DOCK2: variants seen among roughly 807,000 people sequenced by gnomAD.
DOCK2 encodes the protein dedicator of cytokinesis 2, also known as dedicator of cytokinesis protein 2.
DOCK2 carries 87 observed loss-of-function variants against 248.9 expected under a neutral mutation model. That is an observed-to-expected ratio of 0.35 (90% CI 0.29 to 0.42). DOCK2 has a LOEUF of 0.42. DOCK2 is among the 10% of genes least tolerant of loss of function. DOCK2 has a pLI of 1.00. For missense variants in DOCK2, 1,747 were observed against 2,300.2 expected (o/e 0.76, Z 4.92); for synonymous variants, 805 against 821.6 (o/e 0.98, Z 0.35).
Position 169,834,698 on chromosome 5 carries a change from G to A in DOCK2, c.2704-6059G>A, listed in dbSNP as rs981458449. Among the ~76,000 whole-genome samples the A allele has an allele frequency of 7.9e-5, 12 of 151,612 alleles. 1 individual carries two copies. The highest frequency in any genetic ancestry group is 2.9e-5 in the Non-Finnish European group (2 of 67,906). ...TTCAGTCAGTGCTCTCCAGCTAAAT[G>A]TCCCAACCAGATCACCCTGCAATAA... is the stretch of plus-strand genomic sequence containing the variant. On this transcript the variant is annotated intron_variant, in intron 26 of 51. Transcript: ENST00000520908.
intron 27 of DOCK2, among the ~76,000 whole-genome samples, chr5:169,844,985 T>C (rs533883223): frequency 6.6e-6 from 1 of 152,056 alleles, no homozygotes; most frequent in East Asian, 1.9e-4. Flanking sequence ...GCACAAAGAC[T>C]CAGAAATGAG....
Position 169,668,802 on chromosome 5 carries a change from A to G in DOCK2, c.128-486A>G, listed in dbSNP as rs571677441. 3.3e-4 allele frequency among the ~76,000 whole-genome samples: 51 copies of G among 152,326 alleles called. 2 individuals are homozygous for G. In the South Asian group the frequency reaches 9.7e-3, roughly 29 times the overall value. On this transcript the variant is annotated intron_variant, in intron 2 of 51. Coordinates refer to ENST00000520908, the MANE Select transcript of DOCK2 (RefSeq NM_004946.3). ...AACTTTTGTAAATCGCATTTTAGAC[A>G]CTATTTGCTGCTGTTAGAACTGTCA...
At chr5:169,672,155 C>T (rs774485871) in intron 5 of DOCK2, among the ~76,000 whole-genome samples, 5 of 151,806 alleles carry the variant, frequency 3.3e-5, no homozygotes, top group South Asian at 2.1e-4. Flanking sequence ...TACAGGTGCC[C>T]GCCACCACGC....
intron 21 of DOCK2, 42 bp from the exon 22 acceptor site, chr5:169,718,615 T>A (rs1223414962): frequency 6.3e-7 from 1 of 1,595,322 alleles, no homozygotes; most frequent in Admixed American, 1.7e-5. Flanking sequence ...CTAATTACCA[T>A]GATGAAAGAG....
chr5:169,857,381 G>A (rs976269342), intron 27 of DOCK2, among the ~76,000 whole-genome samples: 3 of 152,198 alleles, frequency 2.0e-5, no homozygotes, highest in African/African-American at 7.2e-5. Flanking sequence ...TTGGCAGGGG[G>A]AAGGGTACTG....
At position 169,923,132 on chromosome 5, in the gene DOCK2, G is replaced by T. The variant is rs370727925; in HGVS notation, c.2800-59936G>T. Among the ~76,000 whole-genome samples the T allele has an allele frequency of 3.6e-3, 554 of 152,310 alleles. 35 individuals are homozygous for T. In the South Asian group the frequency reaches 0.11, roughly 30 times the overall value. ...TAGGCTCTCAGGCTCCAAGGCCTAT[G>T]CTCCTCACCTCTGTGCTGGGTTCCT... On this transcript the variant is annotated intron_variant, in intron 27 of 51. Transcript: ENST00000520908.
Position 169,643,514 on chromosome 5 carries a change from C to T in DOCK2, c.43+6145C>T, listed in dbSNP as rs116139892. Among the ~76,000 whole-genome samples the T allele has an allele frequency of 9.3e-3, 1,416 of 152,304 alleles. 20 individuals are homozygous for T. The highest frequency in any genetic ancestry group is 0.032 in the African/African-American group (1,326 of 41,552). On this transcript the variant is annotated intron_variant, in intron 1 of 51. Transcript: ENST00000520908. The stretch of plus-strand genomic sequence containing the variant: ...TAAGGAGCATACAACCCAGATCCCT[C>T]GCGTGTGCAGGTCACAATAGGGTTC...
chr5:170,036,814 G>A lies in DOCK2; in HGVS notation c.3665+259G>A, dbSNP rs140801147. Among the ~76,000 whole-genome samples the A allele has an allele frequency of 3.3e-5, 5 of 152,264 alleles. No individual in the cohort carries two copies. The East Asian group carries it at 9.6e-4, about 29-fold the overall frequency. The stretch of plus-strand genomic sequence containing the variant: ...CACAGATCATATTTTCCTTAAGAGT[G>A]AATACTTTGTGATTTGAACTGTTGG... On this transcript the variant is annotated intron_variant, in intron 36 of 51. Coordinates refer to ENST00000520908, the MANE Select transcript of DOCK2 (RefSeq NM_004946.3).
chr5:169,841,913 A>G (rs1251914538), intron 27 of DOCK2, among the ~76,000 whole-genome samples: 1 of 152,192 alleles, frequency 6.6e-6, no homozygotes, highest in East Asian at 1.9e-4. Context: ...AGCACTTGGC[A>G]TATAGCAGGT....
At chr5:169,916,159 C>G (rs896302460) in intron 27 of DOCK2, among the ~76,000 whole-genome samples, 16 of 152,198 alleles carry the variant, frequency 1.1e-4, no homozygotes, top group African/African-American at 3.6e-4. Flanking sequence ...CGGGCAGAAG[C>G]AGAAGCTGCT....
chr5:169,995,444 AG>A (rs989590873), intron 29 of DOCK2, among the ~76,000 whole-genome samples: 1 of 152,228 alleles, frequency 6.6e-6, no homozygotes, highest in Non-Finnish European at 1.5e-5. Context: ...GAAAAAACTG[AG>A]AAAAAAACCC....
intron 46 of DOCK2, among the ~76,000 whole-genome samples, chr5:170,073,140 A>T (rs1313369723): frequency 6.6e-6 from 1 of 152,226 alleles, no homozygotes; most frequent in African/African-American, 2.4e-5. Context: ...GTTTTGTCTT[A>T]TACATTTAGG....
intron 7 of DOCK2, among the ~76,000 whole-genome samples, chr5:169,682,830 C>A (rs1452821707): frequency 1.3e-5 from 2 of 152,166 alleles, no homozygotes; most frequent in Non-Finnish European, 2.9e-5. Flanking sequence ...CCCCGTGCAA[C>A]CCCTAATTTC....
intron 38 of DOCK2, among the ~76,000 whole-genome samples, chr5:170,045,058 T>C (rs1189868364): frequency 6.6e-6 from 1 of 152,284 alleles, no homozygotes; most frequent in Middle Eastern, 3.4e-3. Flanking sequence ...GAATTTTTTC[T>C]CTTAAGATGG....
intron 44 of DOCK2, among the ~76,000 whole-genome samples, chr5:170,064,053 A>C (rs1757415543): frequency 6.6e-6 from 1 of 152,128 alleles, no homozygotes; most frequent in South Asian, 2.1e-4. Flanking sequence ...CCTAAACTAT[A>C]GGGGTCTACA....
At chr5:169,681,705 T>G (rs1420488146) in intron 6 of DOCK2, 39 bp from the exon 7 acceptor site, 1 of 1,604,880 alleles carries the variant, frequency 6.2e-7, no homozygotes, top group Admixed American at 1.7e-5. Flanking sequence ...CCTAAAGTTC[T>G]CCCCTGATTT....
chr5:169,687,780 A>G (rs552150199), intron 8 of DOCK2, among the ~76,000 whole-genome samples: 45 of 152,312 alleles, frequency 3.0e-4, no homozygotes, highest in African/African-American at 8.7e-4. Flanking sequence ...CGTTAGAACC[A>G]TATAGCTGGT....
At chr5:169,996,384 T>C (rs1045553240) in intron 30 of DOCK2, among the ~76,000 whole-genome samples, 16 of 152,206 alleles carry the variant, frequency 1.1e-4, no homozygotes, top group African/African-American at 3.1e-4. Context: ...AATGTGACGG[T>C]ATAATGGCCT....
At chr5:169,720,085 C>T (rs774757016) in intron 22 of DOCK2, among the ~76,000 whole-genome samples, 5 of 152,210 alleles carry the variant, frequency 3.3e-5, no homozygotes, top group Non-Finnish European at 7.3e-5. Context: ...TGTCTTGAAC[C>T]ATGCGACAGA....
Sources: allele counts gnomAD v4.1 joint callset (sites outside exome capture counted in the v4.1 genomes callset), GRCh38; gene constraint gnomAD v4.1.1; transcripts MANE v1.5; gene names NCBI Gene and HGNC (gene_info 2026-07-23, HGNC 2026-07-21).